Variants in GRM8 observed in about 807,000 individuals in gnomAD.
The protein encoded by GRM8 is glutamate metabotropic receptor 8.
In GRM8, 47 loss-of-function variants were observed where a neutral mutation model predicts 87.2. That is an observed-to-expected ratio of 0.54 (90% confidence interval 0.43 to 0.69). The LOEUF (loss-of-function observed/expected upper bound fraction) is 0.69. Ranked by LOEUF, GRM8 falls within the 30% of genes least tolerant of loss-of-function variation. GRM8 has a pLI of 0.00. For synonymous variants in GRM8, 396 were observed against 404.5 expected (o/e 0.98, Z 0.25); for missense variants, 1,019 against 1,139.2 (o/e 0.89, Z 1.52).
chr7:126,649,353 A>T (rs1803532332), intron 7 of GRM8, among the ~76,000 whole-genome samples: 2 of 152,126 alleles, frequency 1.3e-5, no homozygotes, highest in Admixed American at 1.3e-4. Context: ...ACATGAAAAG[A>T]CTAGACTGGC....
At chr7:126,941,848 G>T (rs976176390) in intron 3 of GRM8, among the ~76,000 whole-genome samples, 5 of 152,126 alleles carry the variant, frequency 3.3e-5, no homozygotes, top group Middle Eastern at 3.4e-3. Flanking sequence ...AAATCTGCTG[G>T]CAAGTCCCTC....
At chr7:127,158,622 G>A (rs1040214082) in intron 2 of GRM8, among the ~76,000 whole-genome samples, 2 of 152,212 alleles carry the variant, frequency 1.3e-5, no homozygotes, top group Admixed American at 6.5e-5. Context: ...TCACCACATG[G>A]TGGAAAAGGA....
At chr7:126,449,217 C>A (rs1006354799) in intron 9 of GRM8, among the ~76,000 whole-genome samples, 2 of 151,716 alleles carry the variant, frequency 1.3e-5, no homozygotes, top group African/African-American at 4.8e-5. Context: ...GAGTTATTTT[C>A]TGGGTGATTA....
chr7:126,693,108 C>T (rs1809002725), intron 7 of GRM8, among the ~76,000 whole-genome samples: 1 of 152,140 alleles, frequency 6.6e-6, no homozygotes, highest in Non-Finnish European at 1.5e-5. Context: ...TATGTCACCT[C>T]CTCTAAAGAT....
intron 2 of GRM8, among the ~76,000 whole-genome samples, chr7:127,165,039 G>T (rs570484634): frequency 6.6e-6 from 1 of 150,454 alleles, no homozygotes; most frequent in East Asian, 2.0e-4. Context: ...TATATACCTG[G>T]TTTTTTCTAA....
rs776134005 is a variant in GRM8, at chr7:126,533,751, T to TA, written c.1630dup (p.Tyr544LeufsTer7). 2.7e-5 allele frequency: 43 copies of TA among 1,614,082 alleles called. No homozygotes were observed. The highest frequency in any genetic ancestry group is 3.6e-5 in the Non-Finnish European group (43 of 1,179,982). ...GGACAGCTCATCCACCTGGTAGTTGTAACCTTCACAGCGTTCACAGTGCCA... is the reference window on the plus strand; with the variant it reads ...GGACAGCTCATCCACCTGGTAGTTGTAAACCTTCACAGCGTTCACAGTGCCA... On this transcript the variant is annotated frameshift_variant, in exon 9 of 11. Transcript: ENST00000339582. LOFTEE classifies it high-confidence loss of function.
At chr7:126,480,424 T>A (rs1422128887) in intron 9 of GRM8, among the ~76,000 whole-genome samples, 3 of 151,936 alleles carry the variant, frequency 2.0e-5, no homozygotes, top group Non-Finnish European at 4.4e-5. Context: ...TAAAATGGTG[T>A]TTTGACTAGC....
At chr7:127,174,009 C>T (rs756882209) in intron 2 of GRM8, among the ~76,000 whole-genome samples, 6 of 152,082 alleles carry the variant, frequency 3.9e-5, no homozygotes, top group Admixed American at 2.0e-4. Context: ...AGCCCTTAAC[C>T]GACAATTAAG....
intron 2 of GRM8, among the ~76,000 whole-genome samples, chr7:127,128,661 C>T (rs578182738): frequency 1.3e-5 from 2 of 152,212 alleles, no homozygotes; most frequent in South Asian, 4.1e-4. Context: ...GGTAAGAAAA[C>T]TGAGACTTGA....
chr7:126,624,812 T>C (rs1024309712), intron 7 of GRM8, among the ~76,000 whole-genome samples: 1 of 152,226 alleles, frequency 6.6e-6, no homozygotes, highest in African/African-American at 2.4e-5. Flanking sequence ...CTATGGTCTT[T>C]TCTCTTCCTA....
chr7:127,035,147 C>T (rs983566635), intron 3 of GRM8, among the ~76,000 whole-genome samples: 8 of 152,214 alleles, frequency 5.3e-5, no homozygotes, highest in Admixed American at 2.0e-4. Flanking sequence ...TTTTAGACAA[C>T]GAATGATACT....
chr7:126,776,243 A>G (rs1281373111), intron 6 of GRM8, among the ~76,000 whole-genome samples: 1 of 152,164 alleles, frequency 6.6e-6, no homozygotes, highest in Non-Finnish European at 1.5e-5. Flanking sequence ...CAGAAAGTGG[A>G]AACAGGATAA....
intron 7 of GRM8, among the ~76,000 whole-genome samples, chr7:126,650,008 C>G (rs896390020): frequency 1.3e-5 from 2 of 152,342 alleles, no homozygotes; most frequent in African/African-American, 4.8e-5. Flanking sequence ...CTGCAGATAA[C>G]TACTCTCCTT....
At chr7:126,620,285 T>C (rs1196401076) in intron 7 of GRM8, among the ~76,000 whole-genome samples, 1 of 152,208 alleles carries the variant, frequency 6.6e-6, no homozygotes, top group Non-Finnish European at 1.5e-5. Flanking sequence ...CAAGATGCTG[T>C]CTTAAAACAA....
intron 2 of GRM8, among the ~76,000 whole-genome samples, chr7:127,141,521 C>T (rs1169324946): frequency 1.3e-5 from 2 of 152,046 alleles, no homozygotes; most frequent in Admixed American, 1.3e-4. Context: ...ATACATTATC[C>T]TTTTTACTCT....
chr7:126,960,682 G>C (rs1440667686), intron 3 of GRM8, among the ~76,000 whole-genome samples: 1 of 152,092 alleles, frequency 6.6e-6, no homozygotes, highest in Non-Finnish European at 1.5e-5. Context: ...AACTATTTTT[G>C]GATGCTATTT....
intron 7 of GRM8, among the ~76,000 whole-genome samples, chr7:126,695,082 G>T (rs1247708797): frequency 1.3e-5 from 2 of 152,172 alleles, no homozygotes; most frequent in Non-Finnish European, 2.9e-5. Context: ...GCATTGATGG[G>T]TGGCTTTTCC....
intron 8 of GRM8, among the ~76,000 whole-genome samples, chr7:126,555,386 A>C (rs2299460): frequency 0.2 from 30,555 of 152,182 alleles, 3,651 homozygotes; most frequent in East Asian, 0.31. Context: ...CCAACAGTGT[A>C]TGGTTAAATT....
intron 6 of GRM8, among the ~76,000 whole-genome samples, chr7:126,874,746 T>C (rs1003667336): frequency 6.6e-6 from 1 of 152,116 alleles, no homozygotes; most frequent in Admixed American, 6.6e-5. Flanking sequence ...AGGCCAATGT[T>C]CCTTCTGCAT....
Sources: gnomAD v4.1 joint callset for allele counts (sites outside exome capture counted in the v4.1 genomes callset) on GRCh38, gnomAD v4.1.1 for gene constraint, MANE v1.5 for transcripts, NCBI Gene and HGNC (gene_info 2026-07-23, HGNC 2026-07-21) for gene names.